Variants in SHLD1 observed in about 807,000 individuals in gnomAD.
The protein encoded by SHLD1 is RINN1-REV7-interacting novel NHEJ regulator 3.
In SHLD1, 3 loss-of-function variants were observed where a neutral mutation model predicts 5.5. The observed-to-expected ratio is 0.54, with a 90% CI of 0.25 to 1.40. SHLD1 has a LOEUF of 1.40. SHLD1 is among the 40% of genes most tolerant of loss of function. The pLI, the probability that SHLD1 is intolerant of heterozygous loss-of-function variation, is 0.15. For synonymous variants in SHLD1, 92 were observed against 94.3 expected (o/e 0.98, Z 0.14); for missense variants, 210 against 244.4 (o/e 0.86, Z 0.94).
intron 1 of SHLD1, among the ~76,000 whole-genome samples, chr20:5,765,380 G>A (rs1984770775): frequency 1.3e-5 from 2 of 151,990 alleles, no homozygotes; most frequent in South Asian, 2.1e-4. Context: ...TGAGTAGCTG[G>A]GACTACAGGT....
chr20:5,768,457 G>A (rs6139822), intron 1 of SHLD1, among the ~76,000 whole-genome samples: 34 of 152,212 alleles, frequency 2.2e-4, no homozygotes, highest in African/African-American at 7.7e-4. Flanking sequence ...GTGTTAACAA[G>A]GTATGTGTCT....
intron 1 of SHLD1, among the ~76,000 whole-genome samples, chr20:5,766,108 A>G (rs1955027790): frequency 6.6e-6 from 1 of 152,180 alleles, no homozygotes. Flanking sequence ...GCAGGCAGGC[A>G]GGATATGCCA....
intron 2 of SHLD1, among the ~76,000 whole-genome samples, chr20:5,775,923 A>AATTTTTTTTTTTTTTTTTT (rs1985401150): frequency 1.3e-5 from 1 of 77,678 alleles, no homozygotes; most frequent in African/African-American, 6.0e-5. Flanking sequence ...TCAGCTCAGG[A>AATTTTTTTTTTTTTTTTTT]TTTTTTTTTT....
At chr20:5,757,721 G>GC (rs984754186) in intron 1 of SHLD1, among the ~76,000 whole-genome samples, 1 of 152,058 alleles carries the variant, frequency 6.6e-6, no homozygotes, top group African/African-American at 2.4e-5. Flanking sequence ...TCCTGCCTCA[G>GC]CCCCCCGAGT....
chr20:5,782,689 C>T (rs2087003061), intron 2 of SHLD1, among the ~76,000 whole-genome samples: 1 of 152,202 alleles, frequency 6.6e-6, no homozygotes. Context: ...CAACATCCCA[C>T]TCTTCAAAGC....
At chr20:5,771,863 C>CAT (rs1985174278) in intron 1 of SHLD1, 2 of 79,272 alleles carry the variant, frequency 2.5e-5, no homozygotes, top group Non-Finnish European at 4.5e-5. Context: ...GAACTTTTAC[C>CAT]TTTTTTTTTT....
intron 2 of SHLD1, among the ~76,000 whole-genome samples, chr20:5,777,551 T>C (rs536326854): frequency 9.2e-5 from 14 of 151,962 alleles, no homozygotes; most frequent in Non-Finnish European, 1.8e-4. Context: ...TCTGAAGTAG[T>C]TAAGACTATA....
At chr20:5,851,494 TAAAAA>T (rs557612044) in intron 2 of SHLD1, among the ~76,000 whole-genome samples, 3 of 133,386 alleles carry the variant, frequency 2.2e-5, no homozygotes, top group South Asian at 2.4e-4. Context: ...CCTGTCTCCT[TAAAAA>T]AAAAAAAAAG....
At chr20:5,756,014 T>C (rs1209282422) in intron 1 of SHLD1, among the ~76,000 whole-genome samples, 3 of 152,042 alleles carry the variant, frequency 2.0e-5, no homozygotes, top group African/African-American at 7.2e-5. Context: ...CAGGTTGGAG[T>C]TGCGTATCTT....
chr20:5,861,823 T>C (rs2088166376), intron 2 of SHLD1, among the ~76,000 whole-genome samples: 1 of 152,202 alleles, frequency 6.6e-6, no homozygotes, highest in African/African-American at 2.4e-5. Context: ...ATGTTTATTG[T>C]AGCTACTGAT....
At chr20:5,772,340 G>A (rs915507415) in intron 1 of SHLD1, 1 of 345,524 alleles carries the variant, frequency 2.9e-6, no homozygotes, top group Non-Finnish European at 5.8e-6. Context: ...TAACTGAAAA[G>A]GCTACTGAAT....
At position 5,863,055 on chromosome 20, in the gene SHLD1, C is replaced by G; in HGVS notation, c.210C>G (p.Asn70Lys). The G allele has an allele frequency of 6.2e-7, 1 of 1,612,302 alleles. No individual in the cohort carries two copies. ...DTSNLNIEQNNSWTAENFWLD... is the reference protein window; with the variant it reads ...DTSNLNIEQNKSWTAENFWLD... ...GTAACTTAAATATAGAACAAAATAACTCCTGGACCGCTGAGAACTTCTGGC... is the reference window on the plus strand; with the variant it reads ...GTAACTTAAATATAGAACAAAATAAGTCCTGGACCGCTGAGAACTTCTGGC... Residue 70 changes from asparagine (N) to lysine (K), a missense_variant, in exon 3 of 3, where the codon AAC (asparagine) becomes AAG (lysine). Coordinates refer to ENST00000303142, the MANE Select transcript of SHLD1 (RefSeq NM_152504.4).
At chr20:5,857,074 C>T (rs183610636) in intron 2 of SHLD1, among the ~76,000 whole-genome samples, 77 of 152,194 alleles carry the variant, frequency 5.1e-4, no homozygotes, top group Admixed American at 1.8e-3. Context: ...CTCTGCCTCC[C>T]GGGTTCAAGT....
intron 2 of SHLD1, among the ~76,000 whole-genome samples, chr20:5,811,636 C>T (rs1019839045): frequency 6.6e-6 from 1 of 152,118 alleles, no homozygotes; most frequent in African/African-American, 2.4e-5. Flanking sequence ...GGGAGGATTG[C>T]TTGAGCCCAG....
At chr20:5,829,019 A>G (rs992285601) in intron 2 of SHLD1, among the ~76,000 whole-genome samples, 18 of 152,142 alleles carry the variant, frequency 1.2e-4, no homozygotes, top group Admixed American at 9.2e-4. Flanking sequence ...GACTACAGGC[A>G]TGCACCACCA....
chr20:5,758,481 C>T (rs923495013), intron 1 of SHLD1, among the ~76,000 whole-genome samples: 1 of 151,242 alleles, frequency 6.6e-6, no homozygotes, highest in African/African-American at 2.4e-5. Context: ...TGCAATGGCA[C>T]GATCTCAGCT....
At chr20:5,803,677 T>C (rs925581438) in intron 2 of SHLD1, among the ~76,000 whole-genome samples, 30 of 151,722 alleles carry the variant, frequency 2.0e-4, no homozygotes, top group Non-Finnish European at 7.4e-5. Context: ...GAGACCATCC[T>C]GGTCAACATG....
At chr20:5,858,249 G>A (rs2088115859) in intron 2 of SHLD1, among the ~76,000 whole-genome samples, 1 of 152,184 alleles carries the variant, frequency 6.6e-6, no homozygotes, top group East Asian at 1.9e-4. Context: ...GATGCATGCA[G>A]AAGGCAGAAT....
chr20:5,757,057 T>C (rs1984156770), intron 1 of SHLD1, among the ~76,000 whole-genome samples: 2 of 151,246 alleles, frequency 1.3e-5, no homozygotes, highest in Non-Finnish European at 2.9e-5. Flanking sequence ...TTCTTTTTCT[T>C]TTTTTCTTTC....
Sources: gnomAD v4.1 joint callset for allele counts (sites outside exome capture counted in the v4.1 genomes callset) on GRCh38, gnomAD v4.1.1 for gene constraint, MANE v1.5 for transcripts, NCBI Gene and HGNC (gene_info 2026-07-23, HGNC 2026-07-21) for gene names.